Variants in ZNF521 observed in about 807,000 individuals in gnomAD.
The protein encoded by ZNF521 is zinc finger protein 521.
A neutral mutation model predicts 105.5 loss-of-function variants in ZNF521; 14 were observed. That is an observed-to-expected ratio of 0.13 (90% confidence interval 0.09 to 0.21). ZNF521 has a LOEUF of 0.21. Ranked by LOEUF, ZNF521 falls within the 10% of genes least tolerant of loss-of-function variation. ZNF521 has a pLI of 1.00. For missense variants in ZNF521, 1,233 were observed against 1,629.7 expected, an observed-to-expected ratio of 0.76 and a Z score of 4.19; for synonymous variants, 635 against 606.0, an observed-to-expected ratio of 1.05 and a Z score of -0.70.
At chr18:25,236,447 A>T (rs1195061692) in intron 3 of ZNF521, among the ~76,000 whole-genome samples, 1 of 151,938 alleles carries the variant, frequency 6.6e-6, no homozygotes, top group Middle Eastern at 3.2e-3. Flanking sequence ...GAGGCAGGAG[A>T]ATTGCCTGAA....
chr18:25,137,346 G>A (rs946880003), intron 5 of ZNF521, among the ~76,000 whole-genome samples: 2 of 152,100 alleles, frequency 1.3e-5, no homozygotes, highest in African/African-American at 2.4e-5. Flanking sequence ...TATCACCTCG[G>A]GCAAAGGTTT....
Sources: allele counts gnomAD v4.1 joint callset (sites outside exome capture counted in the v4.1 genomes callset), GRCh38; gene constraint gnomAD v4.1.1; transcripts MANE v1.5; gene names NCBI Gene and HGNC (gene_info 2026-07-23, HGNC 2026-07-21).